RBFOX3: variants seen among roughly 807,000 people sequenced by gnomAD.
The protein encoded by RBFOX3 is RNA binding protein fox-1 homolog 3.
A neutral mutation model predicts 48.7 loss-of-function variants in RBFOX3; 17 were observed. The ratio of observed to expected loss-of-function variants is 0.35; its 90% CI spans 0.24 to 0.52. The LOEUF is 0.52. Ranked by LOEUF, RBFOX3 falls within the 20% of genes least tolerant of loss-of-function variation. The pLI is 0.94. For synonymous variants in RBFOX3, 212 were observed against 209.5 expected (o/e 1.01, Z -0.10); for missense variants, 382 against 497.5 (o/e 0.77, Z 2.21).
chr17:79,528,868 C>T (rs2150061689), intron 1 of RBFOX3, among the ~76,000 whole-genome samples: 1 of 152,304 alleles, frequency 6.6e-6, no homozygotes, highest in African/African-American at 2.4e-5. Flanking sequence ...CAGCCCCTCC[C>T]ATCTCACAGG....
At chr17:79,610,379 G>A (rs2093944155) in intron 1 of RBFOX3, among the ~76,000 whole-genome samples, 1 of 151,684 alleles carries the variant, frequency 6.6e-6, no homozygotes, top group African/African-American at 2.4e-5. Flanking sequence ...GCGGGGCCGG[G>A]ATCTCCGCGC....
At chr17:79,393,617 GGAGCCGGTCATCAATGCACATCT>G (rs1260607555) in intron 2 of RBFOX3, among the ~76,000 whole-genome samples, 1 of 151,704 alleles carries the variant, frequency 6.6e-6, no homozygotes, top group Non-Finnish European at 1.5e-5. Context: ...CACATACATC[GGAGCCGGTCATCAATGCACATCT>G]GAGCCGGTCA....
chr17:79,365,690 A>G (rs1390539169), intron 2 of RBFOX3, among the ~76,000 whole-genome samples: 2 of 152,228 alleles, frequency 1.3e-5, no homozygotes, highest in Non-Finnish European at 2.9e-5. Context: ...GAAGGAATAT[A>G]TCTTCCCCAC....
rs62062264 is a variant in RBFOX3 at position 79,138,001 on chromosome 17, G to A, written c.-33-22253C>T. On this transcript the variant is annotated intron_variant, in intron 4 of 14. Coordinates refer to ENST00000693108, the MANE Select transcript of RBFOX3 (RefSeq NM_001350451.2). ...GTGCACATGTGTGCTTGCACAGGCG[G>A]AGGCACATCCCAGGCAGCCCGCCCC... Among the ~76,000 whole-genome samples, 477 of 152,276 alleles carry A rather than the reference G, an allele frequency of 3.1e-3. 2 individuals carry two copies. Among genetic ancestry groups the A allele is most frequent in the Non-Finnish European group, 5.8e-3 (391 of 67,992 alleles).
chr17:79,477,357 T>A lies in RBFOX3; in HGVS notation c.-175+5097A>T, dbSNP rs371270760. On this transcript the variant is annotated intron_variant, in intron 2 of 14. Transcript: ENST00000693108. This position sits in a 1 kb window ranked among gnomAD's most constrained non-coding sequence, Gnocchi z 4.8. ...GGATCACGAGGTCAGGAGATCGAGA[T>A]CATCCTGGCTAACACGGTGAAACCC... 9.6e-5 allele frequency among the ~76,000 whole-genome samples: 14 copies of A among 145,156 alleles called. No individual in the cohort carries two copies. Among genetic ancestry groups the A allele is most frequent in the Non-Finnish European group, 1.8e-4 (12 of 66,690 alleles).
intron 2 of RBFOX3, among the ~76,000 whole-genome samples, chr17:79,449,273 T>A (rs1352872260): frequency 6.6e-6 from 1 of 152,082 alleles, no homozygotes; most frequent in African/African-American, 2.4e-5. Context: ...CAGAGGCCTG[T>A]CACTCACCTC....
At chr17:79,453,071 A>G (rs1219302227) in intron 2 of RBFOX3, among the ~76,000 whole-genome samples, 1 of 152,198 alleles carries the variant, frequency 6.6e-6, no homozygotes, top group Non-Finnish European at 1.5e-5. Flanking sequence ...GATTGCTTTG[A>G]GGATCAAATG....
intron 4 of RBFOX3, among the ~76,000 whole-genome samples, chr17:79,228,244 T>TGC (rs2060564465): frequency 6.6e-6 from 1 of 152,196 alleles, no homozygotes; most frequent in East Asian, 1.9e-4. Flanking sequence ...GCCTGTGCCT[T>TGC]GGCAAAGCTG....
At chr17:79,615,864 G>A (rs915273824), upstream of RBFOX3, among the ~76,000 whole-genome samples, 705 of 152,262 alleles carry the variant, frequency 4.6e-3, 2 homozygotes, top group Non-Finnish European at 8.0e-3. Context: ...CCCTAAAAGA[G>A]GCTCTTGTAA....
At chr17:79,344,342 C>T (rs1454841995) in intron 2 of RBFOX3, among the ~76,000 whole-genome samples, 1 of 152,102 alleles carries the variant, frequency 6.6e-6, no homozygotes, top group Non-Finnish European at 1.5e-5. Flanking sequence ...TGAGTACATC[C>T]TTGGAAGGCT....
At chr17:79,500,476 C>T (rs1408471622) in intron 1 of RBFOX3, among the ~76,000 whole-genome samples, 3 of 151,964 alleles carry the variant, frequency 2.0e-5, no homozygotes, top group Non-Finnish European at 4.4e-5. Flanking sequence ...AGGCTGGTCT[C>T]GAACTCCTGA....
chr17:79,257,153 A>G (rs1350878517), intron 3 of RBFOX3, among the ~76,000 whole-genome samples: 2 of 152,042 alleles, frequency 1.3e-5, no homozygotes, highest in South Asian at 4.1e-4. Context: ...GGCAGCACAC[A>G]CTACAATCAA....
At chr17:79,625,760 C>T in the RBFOX3 span, among the ~76,000 whole-genome samples, 1 of 152,166 alleles carries the variant, frequency 6.6e-6, no homozygotes, top group African/African-American at 2.4e-5. Context: ...CCATTGCACT[C>T]CAGCCTGAGC....
intron 1 of RBFOX3, among the ~76,000 whole-genome samples, chr17:79,513,727 C>T (rs1281061867): frequency 1.4e-4 from 21 of 152,334 alleles, no homozygotes; most frequent in African/African-American, 5.1e-4. Context: ...AGCTTGCCTA[C>T]CAGAAAGAAC....
At chr17:79,595,291 G>A (rs1471844477) in intron 1 of RBFOX3, among the ~76,000 whole-genome samples, 2 of 152,188 alleles carry the variant, frequency 1.3e-5, no homozygotes, top group African/African-American at 4.8e-5. Flanking sequence ...CCCAGCCCAG[G>A]AACTCGATCC....
chr17:79,526,304 C>G (rs2086788871), intron 1 of RBFOX3, among the ~76,000 whole-genome samples: 5 of 152,210 alleles, frequency 3.3e-5, no homozygotes, highest in Admixed American at 3.3e-4. Context: ...GCAGCCCCCA[C>G]ATGATCATGA....
At chr17:79,239,691 C>T (rs888879332) in intron 3 of RBFOX3, among the ~76,000 whole-genome samples, 1 of 152,250 alleles carries the variant, frequency 6.6e-6, no homozygotes, top group African/African-American at 2.4e-5. Context: ...GACTGTGATG[C>T]CCCCATGGGC....
intron 1 of RBFOX3, among the ~76,000 whole-genome samples, chr17:79,483,619 A>T (rs1173803487): frequency 6.6e-6 from 1 of 151,032 alleles, no homozygotes; most frequent in African/African-American, 2.4e-5. Flanking sequence ...ATCTGGCTTC[A>T]TGCGGATGTG....
chr17:79,599,138 C>A (rs1247708379), intron 1 of RBFOX3: 2 of 152,258 alleles, frequency 1.3e-5, no homozygotes, highest in Non-Finnish European at 2.9e-5. Context: ...AAGACACCCA[C>A]GGGGGCAAGT....
Sources: gnomAD v4.1 joint callset for allele counts (sites outside exome capture counted in the v4.1 genomes callset) on GRCh38, gnomAD v4.1.1 for gene constraint, Gnocchi (gnomAD v3.1) non-coding constraint, MANE v1.5 for transcripts, NCBI Gene and HGNC (gene_info 2026-07-23, HGNC 2026-07-21) for gene names.